The following WWP2 variants were observed in gnomAD, a reference collection of about 807,000 sequenced individuals.
The protein encoded by WWP2 is NEDD4-like E3 ubiquitin-protein ligase WWP2.
WWP2 carries 57 observed loss-of-function variants against 121.0 expected under a neutral mutation model. The observed-to-expected ratio is 0.47, with a 90% CI of 0.38 to 0.59. WWP2 has a LOEUF of 0.59. Ranked by LOEUF, WWP2 falls within the 20% of genes least tolerant of loss-of-function variation. WWP2 has a pLI of 0.00. For missense variants in WWP2, 962 were observed against 1,158.9 expected (o/e 0.83, Z 2.47); for synonymous variants, 449 against 441.3 (o/e 1.02, Z -0.22).
chr16:69,933,223 C>T (rs1336646972), intron 16 of WWP2: 2 of 449,254 alleles, frequency 4.5e-6, no homozygotes, highest in Non-Finnish European at 9.4e-6. Context: ...CACAAACAGC[C>T]CAGCAGCTGG....
At chr16:69,889,467 A>G (rs909105770) in intron 8 of WWP2, among the ~76,000 whole-genome samples, 5 of 152,206 alleles carry the variant, frequency 3.3e-5, no homozygotes, top group African/African-American at 1.2e-4. Flanking sequence ...TCTGGGTTTG[A>G]ATCCCCCCAC....
rs2057186600 is a variant in WWP2, at chr16:69,850,444, G to C, written c.575+8324G>C. Among the ~76,000 whole-genome samples, 3 of 151,510 alleles carry C rather than the reference G, an allele frequency of 2.0e-5. No homozygotes were observed. In the South Asian group the frequency reaches 6.2e-4, roughly 32 times the overall value. ...TCCCTGACATCAGGGAGTGTCTCTA[G>C]TAGGAGACAGATGCATGGATGAGTT... On this transcript the variant is annotated intron_variant, in intron 6 of 23. Transcript: ENST00000359154.
At chr16:69,765,229 G>C (rs1481010685) in intron 1 of WWP2, among the ~76,000 whole-genome samples, 1 of 151,952 alleles carries the variant, frequency 6.6e-6, no homozygotes, top group Non-Finnish European at 1.5e-5. Context: ...AAGAAAAAAA[G>C]TTTCACCTTT....
chr16:69,795,602 T>C (rs2056016853), intron 2 of WWP2, among the ~76,000 whole-genome samples: 5 of 151,794 alleles, frequency 3.3e-5, no homozygotes, highest in Admixed American at 3.3e-4. Flanking sequence ...ACAGTATTTA[T>C]TGTTCTATTT....
At chr16:69,936,879 G>A (rs1000957377) in intron 19 of WWP2, 6 of 532,940 alleles carry the variant, frequency 1.1e-5, no homozygotes, top group South Asian at 2.4e-5. Context: ...TTCAGTCGGC[G>A]CTGGGGGCAG....
intron 6 of WWP2, among the ~76,000 whole-genome samples, chr16:69,844,051 C>T (rs2151877394): frequency 6.6e-6 from 1 of 152,232 alleles, no homozygotes; most frequent in East Asian, 1.9e-4. Context: ...GTGGCGGGAG[C>T]AAGACAAGAT....
chr16:69,791,043 A>G (rs2055898772), intron 2 of WWP2, among the ~76,000 whole-genome samples: 1 of 152,068 alleles, frequency 6.6e-6, no homozygotes, highest in Admixed American at 6.6e-5. Flanking sequence ...CCTTTTGAGT[A>G]GGGAGATGAG....
intron 7 of WWP2, among the ~76,000 whole-genome samples, chr16:69,880,782 C>T (rs1169926346): frequency 1.3e-5 from 2 of 152,122 alleles, no homozygotes; most frequent in Non-Finnish European, 2.9e-5. Flanking sequence ...TTACTGTGGC[C>T]CACATGTTAC....
At chr16:69,928,111 G>A (rs2058665157) in intron 11 of WWP2, among the ~76,000 whole-genome samples, 1 of 152,228 alleles carries the variant, frequency 6.6e-6, no homozygotes, top group Non-Finnish European at 1.5e-5. Context: ...CTGGTGTTGG[G>A]AGCACTGCAG....
At chr16:69,868,414 C>A (rs928643353) in intron 6 of WWP2, among the ~76,000 whole-genome samples, 3 of 152,112 alleles carry the variant, frequency 2.0e-5, no homozygotes, top group Non-Finnish European at 2.9e-5. Context: ...TATTGTCATG[C>A]CCAGCTGCTC....
intron 6 of WWP2, among the ~76,000 whole-genome samples, chr16:69,847,131 C>T (rs913349703): frequency 6.6e-6 from 1 of 152,148 alleles, no homozygotes; most frequent in African/African-American, 2.4e-5. Flanking sequence ...GTCGCCCAGG[C>T]TGGAGTGCAG....
At chr16:69,834,807 C>T (rs1014860344) in intron 4 of WWP2, among the ~76,000 whole-genome samples, 8 of 152,018 alleles carry the variant, frequency 5.3e-5, no homozygotes, top group South Asian at 2.1e-4. Context: ...GGATTACAGA[C>T]GTGAGCCATG....
intron 9 of WWP2, 115 bp downstream of exon 9, chr16:69,908,965 C>T (rs77990310): frequency 3.4e-5 from 52 of 1,524,204 alleles, no homozygotes; most frequent in East Asian, 4.7e-5. Flanking sequence ...ACGTTTATTC[C>T]GGGTCACTTG....
chr16:69,816,548 AAAG>A (rs1345218238), intron 4 of WWP2, among the ~76,000 whole-genome samples: 1 of 150,780 alleles, frequency 6.6e-6, no homozygotes, highest in Non-Finnish European at 1.5e-5. Flanking sequence ...AAAAGTAAAA[AAAG>A]CAATACAGGC....
At chr16:69,893,750 G>A (rs992981195) in intron 8 of WWP2, among the ~76,000 whole-genome samples, 13 of 152,096 alleles carry the variant, frequency 8.5e-5, no homozygotes, top group Non-Finnish European at 1.6e-4. Flanking sequence ...CACCATGTTG[G>A]CCAGGCTGTG....
At chr16:69,931,461 TG>T (rs1567441172) in intron 14 of WWP2, 47 bp from the exon 15 acceptor site, 1 of 1,610,506 alleles carries the variant, frequency 6.2e-7, no homozygotes, top group South Asian at 1.1e-5. Context: ...GGAGAACAGA[TG>T]ACCACTTGAG....
chr16:69,933,336 G>A (rs1435304081), intron 16 of WWP2, among the ~76,000 whole-genome samples: 3 of 152,158 alleles, frequency 2.0e-5, no homozygotes, highest in Non-Finnish European at 4.4e-5. Context: ...TGTTGGTTCA[G>A]ATGAATGCGT....
At chr16:69,832,408 A>G (rs916822713) in intron 4 of WWP2, among the ~76,000 whole-genome samples, 3 of 152,062 alleles carry the variant, frequency 2.0e-5, no homozygotes, top group African/African-American at 7.2e-5. Context: ...AAAGATAAGA[A>G]CTCTTAAAAA....
chr16:69,916,577 T>C (rs574245329), intron 9 of WWP2, among the ~76,000 whole-genome samples: 2 of 151,678 alleles, frequency 1.3e-5, no homozygotes, highest in Admixed American at 6.6e-5. Flanking sequence ...GAATGGAAAA[T>C]GGAAAGTCAG....
Sources: gnomAD v4.1 joint callset for allele counts (sites outside exome capture counted in the v4.1 genomes callset) on GRCh38, gnomAD v4.1.1 for gene constraint, MANE v1.5 for transcripts, NCBI Gene and HGNC (gene_info 2026-07-23, HGNC 2026-07-21) for gene names.